Variants in KRT73 observed in about 807,000 individuals in gnomAD.
KRT73 encodes the protein keratin, type II cytoskeletal 73.
In KRT73, 44 loss-of-function variants were observed where a neutral mutation model predicts 47.2. The ratio of observed to expected loss-of-function variants is 0.93; its 90% CI spans 0.73 to 1.20. The LOEUF (loss-of-function observed/expected upper bound fraction) is 1.20, where lower values mean the gene tolerates loss of function less well. KRT73 is among the 50% of genes most tolerant of loss of function. The pLI, the probability that KRT73 is intolerant of heterozygous loss-of-function variation, is 0.00. For synonymous variants in KRT73, 285 were observed against 291.3 expected, an observed-to-expected ratio of 0.98 and a Z score of 0.22; for missense variants, 713 against 704.5, an observed-to-expected ratio of 1.01 and a Z score of -0.14.
rs760518091 is a variant in KRT73, at chr12:52,610,841, G to A, written c.1111-6C>T. Reference sequence around the variant, plus strand: ...GCCGTCTCCAGGTTGGCACACTGGGGTCAGGAGGTAGCATTTCTCCCTGAG... The same window carrying A: ...GCCGTCTCCAGGTTGGCACACTGGGATCAGGAGGTAGCATTTCTCCCTGAG... On this transcript the variant is annotated splice_polypyrimidine_tract_variant and splice_region_variant and intron_variant, in intron 6 of 8. Transcript: ENST00000305748. The A allele has an allele frequency of 3.7e-6, 6 of 1,608,124 alleles. No individual in the cohort carries two copies. The Admixed American group carries it at 8.3e-5, about 22-fold the overall frequency.
chr12:52,620,465 T>C (rs1038418147), upstream of KRT73, among the ~76,000 whole-genome samples: 1 of 152,132 alleles, frequency 6.6e-6, no homozygotes, highest in East Asian at 1.9e-4. Flanking sequence ...CAAAACTGCA[T>C]TGTGATGAGA....
Position 52,608,225 on chromosome 12 carries a change from T to C in KRT73, c.1594A>G (p.Ser532Gly). The C allele has an allele frequency of 6.2e-7, 1 of 1,613,476 alleles. No homozygotes were observed. Among genetic ancestry groups the C allele is most frequent in the Non-Finnish European group, 8.5e-7 (1 of 1,179,762 alleles). The change falls in exon 9 of 9, where the codon AGC (serine) becomes GGC (glycine). Residue 532 changes from serine to glycine, a missense_variant. Transcript: ENST00000305748. ...CTCATGGTTTTTTTGGTGGGTGAGC[T>C]TAGAGCTAAGGTCTTTCCCTGGGAG... The part of the protein sequence containing the change: ...RDSQGKTLAL[S>G]SPTKKTMR
the KRT73 span, among the ~76,000 whole-genome samples, chr12:52,629,117 A>G: frequency 6.6e-6 from 1 of 152,180 alleles, no homozygotes; most frequent in African/African-American, 2.4e-5. Flanking sequence ...GCTGCACCAG[A>G]TCCTCAGGGG....
At chr12:52,620,910 G>A (rs548447604), upstream of KRT73, among the ~76,000 whole-genome samples, 11 of 152,140 alleles carry the variant, frequency 7.2e-5, no homozygotes, top group East Asian at 1.9e-4. Flanking sequence ...CTTTCCTAAC[G>A]GCCAGAAATT....
intron 2 of KRT73, 101 bp downstream of exon 2, chr12:52,616,065 G>A: frequency 1.4e-6 from 2 of 1,424,066 alleles, no homozygotes; most frequent in East Asian, 4.6e-5. Context: ...TGCTGGGACA[G>A]ATGAACCCAA....
rs61736101 is a variant in KRT73, at chr12:52,616,240, C to G, written c.588G>C (p.Thr196=). ...YISNLRKQLE[T]LSGDRVRLDS... ...CCAGCCTCACCCTGTCCCCAGACAGCGTCTCCAGCTGCTTCCGCAGGTTGC... is the reference window on the plus strand; with the variant it reads ...CCAGCCTCACCCTGTCCCCAGACAGGGTCTCCAGCTGCTTCCGCAGGTTGC... Residue 196 remains threonine (T), a synonymous_variant, in exon 2 of 9, where the codon ACG becomes ACC. Transcript: ENST00000305748. 6.2e-7 allele frequency: 1 copy of G among 1,613,988 alleles called. No homozygotes were observed. The highest frequency in any genetic ancestry group is 2.2e-5 in the East Asian group (1 of 44,890).
chr12:52,614,029 C>T, intron 4 of KRT73, 177 bp from the exon 5 acceptor site: 1 of 894,046 alleles, frequency 1.1e-6, no homozygotes, highest in Non-Finnish European at 1.6e-6. Flanking sequence ...CATCTGAAAA[C>T]TGCTGAATGG....
At chr12:52,613,590 C>A in intron 5 of KRT73, 98 bp downstream of exon 5, 3 of 1,556,004 alleles carry the variant, frequency 1.9e-6, no homozygotes, top group South Asian at 2.5e-5. Context: ...GTGCTCCCAG[C>A]AAGCTATGGG....
upstream of KRT73, among the ~76,000 whole-genome samples, chr12:52,619,478 A>G (rs932710813): frequency 6.6e-6 from 1 of 152,202 alleles, no homozygotes; most frequent in African/African-American, 2.4e-5. Flanking sequence ...AAATGCCCCC[A>G]AAAAGCACAG....
chr12:52,610,323 C>T (rs941250434), intron 7 of KRT73: 23 of 382,196 alleles, frequency 6.0e-5, no homozygotes, highest in Admixed American at 3.0e-4. Context: ...GTGATCCACC[C>T]GCCTCAGCCT....
upstream of KRT73, among the ~76,000 whole-genome samples, chr12:52,620,583 G>C (rs1347041806): frequency 2.0e-5 from 3 of 152,212 alleles, no homozygotes; most frequent in Admixed American, 6.5e-5. Flanking sequence ...ACAAATTGCT[G>C]CATGTCACAG....
Position 52,616,248 on chromosome 12 carries a change from G to A in KRT73, c.580C>T (p.Leu194=). Residue 194 remains leucine, a synonymous_variant, in exon 2 of 9, where the codon CTG becomes TTG. Transcript: ENST00000305748. ...EGYISNLRKQ[L]ETLSGDRVRL... is the part of the protein sequence containing the mutation. ...ACCCTGTCCCCAGACAGCGTCTCCA[G>A]CTGCTTCCGCAGGTTGCTGATGTAG... 1 of 1,614,200 alleles carries A rather than the reference G, an allele frequency of 6.2e-7. No individual in the cohort carries two copies. Among genetic ancestry groups the A allele is most frequent in the Non-Finnish European group, 8.5e-7 (1 of 1,180,038 alleles).
chr12:52,630,726 G>A, the KRT73 span, among the ~76,000 whole-genome samples: 1 of 152,156 alleles, frequency 6.6e-6, no homozygotes, highest in Admixed American at 6.5e-5. Flanking sequence ...GAAGTCTCTG[G>A]GTGGCTCAGT....
intron 1 of KRT73, among the ~76,000 whole-genome samples, chr12:52,617,819 G>A (rs937946676): frequency 5.2e-4 from 79 of 152,192 alleles, no homozygotes; most frequent in African/African-American, 1.9e-3. Context: ...ATCCTGGGGA[G>A]GTGTCCTGCC....
chr12:52,616,991 C>T (rs1565630868), intron 1 of KRT73, among the ~76,000 whole-genome samples: 1 of 152,178 alleles, frequency 6.6e-6, no homozygotes, highest in Non-Finnish European at 1.5e-5. Flanking sequence ...TTGCTTAAAA[C>T]CCTCAGGTGG....
Position 52,608,273 on chromosome 12 carries a change from C to T in KRT73, c.1546G>A (p.Gly516Arg). The T allele has an allele frequency of 6.2e-7, 1 of 1,614,072 alleles. No homozygotes were observed. Among genetic ancestry groups the T allele is most frequent in the Non-Finnish European group, 8.5e-7 (1 of 1,180,014 alleles). ...GAGTCCCTGAATTCACTTGCACTCC[C>T]CAGCCTGGTCCTGGCTTCCCCACGG... ...SPRGEARTRLGSASEFRDSQG... is the reference protein window; with the variant it reads ...SPRGEARTRLRSASEFRDSQG... Residue 516 changes from glycine (G) to arginine (R), a missense_variant, in exon 9 of 9, where the codon GGG becomes AGG. Gly to Arg is a moderately radical substitution (Grantham distance 125). Transcript: ENST00000305748.
At chr12:52,625,711 A>G in the KRT73 span, among the ~76,000 whole-genome samples, 2 of 152,238 alleles carry the variant, frequency 1.3e-5, no homozygotes, top group Non-Finnish European at 2.9e-5. Flanking sequence ...TATTTGTAAT[A>G]GCCAAAAAAT....
chr12:52,629,794 A>G, the KRT73 span, among the ~76,000 whole-genome samples: 13 of 152,154 alleles, frequency 8.5e-5, no homozygotes, highest in Non-Finnish European at 2.9e-5. Flanking sequence ...TCATAATTCA[A>G]TCTCAGCTGG....
intron 5 of KRT73, 114 bp from the exon 6 acceptor site, chr12:52,611,443 C>T: frequency 7.9e-7 from 1 of 1,264,352 alleles, no homozygotes; most frequent in Non-Finnish European, 1.1e-6. Context: ...TCCAGGTCCC[C>T]CGCCTCACCA....
Sources: gnomAD v4.1 joint callset for allele counts (sites outside exome capture counted in the v4.1 genomes callset) on GRCh38, gnomAD v4.1.1 for gene constraint, MANE v1.5 for transcripts, NCBI Gene and HGNC (gene_info 2026-07-23, HGNC 2026-07-21) for gene names.